The following ATM variants were observed in gnomAD, a reference collection of about 807,000 sequenced individuals.
The protein encoded by ATM is serine-protein kinase ATM.
ATM carries 308 observed loss-of-function variants against 387.0 expected under a neutral mutation model. The ratio of observed to expected loss-of-function variants is 0.80; its 90% CI spans 0.73 to 0.87. ATM has a LOEUF of 0.87. Among genes scored for constraint, ATM ranks in the 40% least tolerant of loss-of-function variants. The pLI is 0.00. For synonymous variants in ATM, 1,156 were observed against 1,187.3 expected (o/e 0.97, Z 0.54); for missense variants, 3,312 against 3,560.9 (o/e 0.93, Z 1.78).
At chr11:108,312,612 A>T (rs1488324776) in intron 40 of ATM, 114 bp downstream of exon 40, 1 of 757,284 alleles carries the variant, frequency 1.3e-6, no homozygotes, top group African/African-American at 1.8e-5. Context: ...TACTTACTGG[A>T]CTAAGCATCA....
intron 43 of ATM, 74 bp from the exon 44 acceptor site, chr11:108,319,879 TG>T: frequency 9.6e-7 from 1 of 1,045,182 alleles, no homozygotes; most frequent in East Asian, 2.4e-5. Context: ...TTTTGTCCTT[TG>T]GTGAAGCTAT....
intron 61 of ATM, among the ~76,000 whole-genome samples, chr11:108,357,058 C>T (rs1226179071): frequency 6.6e-6 from 1 of 152,212 alleles, no homozygotes; most frequent in Non-Finnish European, 1.5e-5. Flanking sequence ...TAGGGAGCGC[C>T]AGACAGTGGG....
At chr11:108,268,264 T>C in intron 17 of ATM, 146 bp from the exon 18 acceptor site, 1 of 640,958 alleles carries the variant, frequency 1.6e-6, no homozygotes, top group Non-Finnish European at 2.6e-6. Context: ...AAAAAGACTT[T>C]TGAAGCTTTC....
At chr11:108,253,728 G>A in intron 12 of ATM, 86 bp from the exon 13 acceptor site, 2 of 932,210 alleles carry the variant, frequency 2.1e-6, no homozygotes, top group Non-Finnish European at 3.3e-6. Context: ...CTAGGTTAAT[G>A]TTTTCCTTTG....
rs2091431682 is a variant in ATM at position 108,368,215 on chromosome 11, T to A, written c.*2707T>A. ...GACAGAATTAAGATTATAAAAGATT[T>A]TTTTTTTGTAATTTTAGTAGAGACA... On this transcript the variant is annotated 3_prime_UTR_variant, in exon 63 of 63. Transcript: ENST00000675843. 1 of 206,926 alleles carries A rather than the reference T, an allele frequency of 4.8e-6. No homozygotes were observed. Among genetic ancestry groups the A allele is most frequent in the South Asian group, 1.9e-4 (1 of 5,288 alleles). 12.8% of individuals were successfully genotyped at this position (206,926 alleles called of 1,614,324 possible). A position where few individuals can be genotyped will look rare whatever the true frequency, so the allele number is the denominator to read the frequency against.
At chr11:108,352,979 A>C (rs1335465116) in intron 59 of ATM, among the ~76,000 whole-genome samples, 1 of 152,106 alleles carries the variant, frequency 6.6e-6, no homozygotes, top group African/African-American at 2.4e-5. Context: ...GGGCAGTATG[A>C]AGGATCCTTA....
intron 22 of ATM, among the ~76,000 whole-genome samples, chr11:108,276,386 C>G (rs2081950759): frequency 6.6e-6 from 1 of 152,184 alleles, no homozygotes; most frequent in African/African-American, 2.4e-5. Context: ...CATTCTCCGT[C>G]CAGTTTTGTT....
rs1484346818 is a variant in ATM at position 108,332,785 on chromosome 11, A to T, written c.7812A>T (p.Arg2604Ser). 3.7e-6 allele frequency: 6 copies of T among 1,613,280 alleles called. No individual in the cohort carries two copies. Among genetic ancestry groups the T allele is most frequent in the Non-Finnish European group, 5.1e-6 (6 of 1,179,760 alleles). The change falls in exon 53 of 63, where the codon AGA becomes AGT. Residue 2604 changes from arginine to serine, a missense_variant. Transcript: ENST00000675843. ...AGGATCGAACAGAGGCTGCAAATAG[A>T]ATAATATGTACTATCAGAAGTAGGA... The part of the protein sequence containing the change: ...LDEDRTEAAN[R>S]IICTIRSRRP...
At chr11:108,316,765 A>AAC (rs1415471286) in intron 42 of ATM, among the ~76,000 whole-genome samples, 5 of 148,710 alleles carry the variant, frequency 3.4e-5, no homozygotes, top group Non-Finnish European at 6.0e-5. Context: ...AAAAAAAAAA[A>AAC]AAAAAAAAAA....
At chr11:108,299,598 T>C in intron 33 of ATM, 116 bp from the exon 34 acceptor site, 1 of 1,106,606 alleles carries the variant, frequency 9.0e-7, no homozygotes, top group Non-Finnish European at 1.4e-6. Context: ...CACTCGGCCT[T>C]AAGGTTAATT....
At chr11:108,245,790 C>G (rs2079817896) in intron 7 of ATM, among the ~76,000 whole-genome samples, 2 of 150,204 alleles carry the variant, frequency 1.3e-5, no homozygotes, top group Admixed American at 1.3e-4. Context: ...TGAGTAATAG[C>G]AGCTATAATG....
intron 18 of ATM, among the ~76,000 whole-genome samples, chr11:108,268,903 T>C (rs553735290): frequency 6.6e-6 from 1 of 152,354 alleles, no homozygotes; most frequent in Admixed American, 6.5e-5. Flanking sequence ...TGTAAAAATA[T>C]TACATAACAT....
intron 53 of ATM, 22 bp downstream of exon 53, chr11:108,332,922 A>G: frequency 6.2e-7 from 1 of 1,606,654 alleles, no homozygotes; most frequent in Non-Finnish European, 8.5e-7. Flanking sequence ...TTAAAGAAGA[A>G]ACGTTACTTT....
At chr11:108,278,870 A>G (rs2082078963) in intron 22 of ATM, among the ~76,000 whole-genome samples, 1 of 152,214 alleles carries the variant, frequency 6.6e-6, no homozygotes, top group Admixed American at 6.5e-5. Flanking sequence ...GGGGTTAAAC[A>G]TTCAGACAAT....
intron 23 of ATM, 121 bp downstream of exon 23, chr11:108,279,729 T>C (rs891874899): frequency 3.7e-6 from 3 of 801,330 alleles, no homozygotes; most frequent in East Asian, 5.0e-5. Flanking sequence ...ATAAAGCTGC[T>C]CTAAAACAAC....
chr11:108,250,328 T>G (rs971452956), intron 9 of ATM, among the ~76,000 whole-genome samples: 3 of 152,046 alleles, frequency 2.0e-5, no homozygotes, highest in African/African-American at 7.2e-5. Flanking sequence ...AATTTTTGTA[T>G]TTTTAGTAGA....
intron 16 of ATM, among the ~76,000 whole-genome samples, chr11:108,266,436 G>A (rs2081243867): frequency 6.9e-6 from 1 of 145,164 alleles, no homozygotes. Context: ...ATTGAACAAT[G>A]AGATCACATG....
At chr11:108,349,236 G>A (rs1486748633) in intron 59 of ATM, among the ~76,000 whole-genome samples, 2 of 152,198 alleles carry the variant, frequency 1.3e-5, no homozygotes, top group African/African-American at 4.8e-5. Context: ...CAGAGAGGAT[G>A]AATGCTGAAA....
At chr11:108,277,841 C>A (rs1394769544) in intron 22 of ATM, among the ~76,000 whole-genome samples, 1 of 152,064 alleles carries the variant, frequency 6.6e-6, no homozygotes, top group Admixed American at 6.5e-5. Flanking sequence ...CTTGCTGTTC[C>A]CTTGTTTTAT....
Sources: allele counts gnomAD v4.1 joint callset (sites outside exome capture counted in the v4.1 genomes callset), GRCh38; gene constraint gnomAD v4.1.1; transcripts MANE v1.5; gene names NCBI Gene and HGNC (gene_info 2026-07-23, HGNC 2026-07-21).